The following AGAP1 variants were observed in gnomAD, a reference collection of about 807,000 sequenced individuals.
AGAP1 encodes the protein ArfGAP with GTPase domain, ankyrin repeat and PH domain 1.
A neutral mutation model predicts 105.3 loss-of-function variants in AGAP1; 29 were observed. That is an observed-to-expected ratio of 0.28 (90% CI 0.21 to 0.38). AGAP1 has a LOEUF of 0.38. AGAP1 is among the 10% of genes least tolerant of loss of function. The pLI is 1.00. For synonymous variants in AGAP1, 509 were observed against 485.9 expected, an observed-to-expected ratio of 1.05 and a Z score of -0.63; for missense variants, 998 against 1,165.1, an observed-to-expected ratio of 0.86 and a Z score of 2.09.
chr2:236,082,434 C>T lies in AGAP1; in HGVS notation c.2114+33153C>T, dbSNP rs1174475387. Among the ~76,000 whole-genome samples the T allele has an allele frequency of 1.3e-5, 2 of 152,228 alleles. No homozygotes were observed. Among genetic ancestry groups the T allele is most frequent in the Non-Finnish European group, 2.9e-5 (2 of 68,044 alleles). On this transcript the variant is annotated intron_variant, in intron 16 of 17. Coordinates refer to ENST00000304032, the MANE Select transcript of AGAP1 (RefSeq NM_001037131.3). This position sits in a 1 kb window ranked among gnomAD's most constrained non-coding sequence, Gnocchi z 4.2. The stretch of plus-strand genomic sequence containing the variant: ...GGAGCTCACCCACCAGGTCCTGCTA[C>T]GGGGCCGCTGCCCATTTGATCTCTC...
At chr2:235,969,740 A>G (rs2054564157) in intron 13 of AGAP1, among the ~76,000 whole-genome samples, 1 of 152,172 alleles carries the variant, frequency 6.6e-6, no homozygotes, top group African/African-American at 2.4e-5. Context: ...GTGTGTTTCC[A>G]TAACACCGGA....
intron 1 of AGAP1, among the ~76,000 whole-genome samples, chr2:235,619,857 C>G (rs1429980713): frequency 3.9e-5 from 6 of 152,142 alleles, no homozygotes; most frequent in Non-Finnish European, 7.4e-5. Context: ...GGGCCCTGTT[C>G]TACTTTTTTC....
At chr2:235,590,621 CATTTTT>C (rs1945292881) in intron 1 of AGAP1, among the ~76,000 whole-genome samples, 1 of 148,842 alleles carries the variant, frequency 6.7e-6, no homozygotes, top group Admixed American at 6.7e-5. Context: ...ATAGGCCACT[CATTTTT>C]GTTTTTGTTT....
intron 1 of AGAP1, among the ~76,000 whole-genome samples, chr2:235,629,130 C>G (rs1353020336): frequency 6.6e-6 from 1 of 152,064 alleles, no homozygotes; most frequent in African/African-American, 2.4e-5. Context: ...TGTCCTCATA[C>G]CTTAGCTCCC....
In AGAP1 at chr2:236,128,305, C is replaced by G. The variant is rs2060034632; in HGVS notation, c.*4183C>G. 1 of 152,454 alleles carries G rather than the reference C, an allele frequency of 6.6e-6. No individual in the cohort carries two copies. The highest frequency in any genetic ancestry group is 6.5e-5 in the Admixed American group (1 of 15,276). 9.4% of individuals were successfully genotyped at this position (152,454 alleles called of 1,614,324 possible). ...TGCTGTTCGCTGGTGCTGATCAGGG[C>G]CAAGACGACCCTTCCCTCTCCCCCA... On this transcript the variant is annotated 3_prime_UTR_variant, in exon 18 of 18. Coordinates refer to ENST00000304032, the MANE Select transcript of AGAP1 (RefSeq NM_001037131.3). This position sits in a 1 kb window ranked among gnomAD's most constrained non-coding sequence, Gnocchi z 5.9.
rs2053822882 is a variant in AGAP1 at position 235,953,389 on chromosome 2, T to C, written c.1484-15073T>C. Among the ~76,000 whole-genome samples the C allele has an allele frequency of 6.6e-6, 1 of 152,228 alleles. No individual in the cohort carries two copies. Among genetic ancestry groups the C allele is most frequent in the Admixed American group, 6.5e-5 (1 of 15,290 alleles). ...TTATCGTTATAAGATGTTAATTTTTTATTCTCCAAAATGTTCAGACTGCAA... is the reference window on the plus strand; with the variant it reads ...TTATCGTTATAAGATGTTAATTTTTCATTCTCCAAAATGTTCAGACTGCAA... On this transcript the variant is annotated intron_variant, in intron 12 of 17. Transcript: ENST00000304032. The surrounding 1 kb of genome is among the most constrained non-coding windows in gnomAD (Gnocchi z 5.2).
At chr2:235,950,834 G>A (rs2053701573) in intron 12 of AGAP1, among the ~76,000 whole-genome samples, 1 of 146,252 alleles carries the variant, frequency 6.8e-6, no homozygotes, top group African/African-American at 2.5e-5. Flanking sequence ...ATTTTAGCTT[G>A]ATAAAGGAAA....
chr2:236,048,191 A>G (rs1470540122), intron 15 of AGAP1, among the ~76,000 whole-genome samples: 1 of 152,204 alleles, frequency 6.6e-6, no homozygotes, highest in Non-Finnish European at 1.5e-5. Flanking sequence ...GGTCAACCCT[A>G]TCTCTGCACA....
intron 12 of AGAP1, among the ~76,000 whole-genome samples, chr2:235,955,588 G>A (rs1321853992): frequency 6.6e-6 from 1 of 152,122 alleles, no homozygotes; most frequent in Non-Finnish European, 1.5e-5. Flanking sequence ...AGCATATTCT[G>A]CTCTTTATGA....
intron 1 of AGAP1, among the ~76,000 whole-genome samples, chr2:235,498,196 G>T (rs999661660): frequency 1.3e-5 from 2 of 152,180 alleles, no homozygotes; most frequent in African/African-American, 4.8e-5. Context: ...CTGTTTGTAG[G>T]CATGGGATAC....
In AGAP1 at chr2:235,574,551, G is replaced by A. The variant is rs1005561279; in HGVS notation, c.163+79702G>A. Among the ~76,000 whole-genome samples the A allele has an allele frequency of 6.6e-6, 1 of 152,162 alleles. No individual in the cohort carries two copies. Among genetic ancestry groups the A allele is most frequent in the African/African-American group, 2.4e-5 (1 of 41,438 alleles). The stretch of plus-strand genomic sequence containing the variant: ...TCTTTAAACACTTCCCACCACTGAA[G>A]TCTTTGGTTTCCTTGATTTGATAGT... On this transcript the variant is annotated intron_variant, in intron 1 of 17. Coordinates refer to ENST00000304032, the MANE Select transcript of AGAP1 (RefSeq NM_001037131.3). This position sits in a 1 kb window ranked among gnomAD's most constrained non-coding sequence, Gnocchi z 5.0.
At chr2:235,969,328 A>C (rs147020115) in intron 13 of AGAP1, among the ~76,000 whole-genome samples, 1,547 of 150,970 alleles carry the variant, frequency 0.01, 34 homozygotes, top group African/African-American at 0.035. Flanking sequence ...ATACACACAC[A>C]CCCCCCACAT....
intron 11 of AGAP1, among the ~76,000 whole-genome samples, chr2:235,929,540 C>G (rs2052618512): frequency 2.6e-5 from 4 of 152,018 alleles, no homozygotes. Context: ...TCTTCAAAGC[C>G]AAACGCCTCG....
chr2:235,898,929 A>G (rs1219174314), intron 10 of AGAP1, among the ~76,000 whole-genome samples: 1 of 152,184 alleles, frequency 6.6e-6, no homozygotes. Context: ...GAATTATCTG[A>G]TTCATTTGAA....
chr2:236,100,097 T>C (rs2059308047), intron 16 of AGAP1, among the ~76,000 whole-genome samples: 1 of 152,104 alleles, frequency 6.6e-6, no homozygotes, highest in South Asian at 2.1e-4. Context: ...ATGGGCCCCT[T>C]CTGAGCACTG....
intron 1 of AGAP1, among the ~76,000 whole-genome samples, chr2:235,518,154 C>T (rs951077849): frequency 6.6e-5 from 10 of 152,064 alleles, no homozygotes; most frequent in African/African-American, 1.7e-4. Context: ...CTCCTTTGCC[C>T]GAAGACGACT....
chr2:235,607,510 G>T (rs935667473), intron 1 of AGAP1, among the ~76,000 whole-genome samples: 3 of 152,178 alleles, frequency 2.0e-5, no homozygotes, highest in Non-Finnish European at 4.4e-5. Context: ...GAGCCCGTTG[G>T]CCTGGGTGGA....
intron 13 of AGAP1, among the ~76,000 whole-genome samples, chr2:236,033,542 C>T (rs989973186): frequency 6.6e-6 from 1 of 152,230 alleles, no homozygotes; most frequent in Admixed American, 6.5e-5. Context: ...AAAATAGAGA[C>T]GTTCCCTTGG....
rs533784869 is a variant in AGAP1 at position 235,651,007 on chromosome 2, C to T, written c.164-58172C>T. 8.8e-4 allele frequency among the ~76,000 whole-genome samples: 133 copies of T among 151,810 alleles called. 1 individual carries two copies. The highest frequency in any genetic ancestry group is 1.5e-3 in the Non-Finnish European group (104 of 67,928). ...CTAGCCTGGACAACATGGTGAAACC[C>T]GGTCTCTCTTAAAAATATAAAAAAT... is the stretch of plus-strand genomic sequence containing the variant. On this transcript the variant is annotated intron_variant, in intron 1 of 17. Transcript: ENST00000304032.
Sources: allele counts gnomAD v4.1 joint callset (sites outside exome capture counted in the v4.1 genomes callset), GRCh38; gene constraint gnomAD v4.1.1; non-coding constraint Gnocchi (gnomAD v3.1); transcripts MANE v1.5; gene names NCBI Gene and HGNC (gene_info 2026-07-23, HGNC 2026-07-21).